Variants in SHISA9 observed in about 807,000 individuals in gnomAD.
SHISA9 encodes the protein protein shisa-9.
Under a neutral mutation model 38.0 loss-of-function variants are expected in SHISA9, and 13 were observed. That is an observed-to-expected ratio of 0.34 (90% CI 0.22 to 0.54). SHISA9 has a LOEUF of 0.54. SHISA9 is among the 20% of genes least tolerant of loss of function. SHISA9 has a pLI of 0.91. For missense variants in SHISA9, 538 were observed against 575.8 expected (o/e 0.93, Z 0.67); for synonymous variants, 275 against 242.0 (o/e 1.14, Z -1.27).
intron 2 of SHISA9, among the ~76,000 whole-genome samples, chr16:13,052,273 T>C (rs2073260990): frequency 6.6e-6 from 1 of 152,170 alleles, no homozygotes; most frequent in African/African-American, 2.4e-5. Context: ...TTAGAGACAT[T>C]TTCCCCCCTC....
chr16:13,356,121 G>C, the SHISA9 span, among the ~76,000 whole-genome samples: 1 of 152,164 alleles, frequency 6.6e-6, no homozygotes, highest in Non-Finnish European at 1.5e-5. Context: ...ATGTGGCTGG[G>C]GTTTGTCTCA....
chr16:13,561,655 G>A, the SHISA9 span, among the ~76,000 whole-genome samples: 496 of 152,322 alleles, frequency 3.3e-3, 5 homozygotes, highest in East Asian at 0.021. Context: ...GGCCCCTGGA[G>A]GAAGTGCTAG....
At chr16:12,933,473 T>G (rs866190935) in intron 2 of SHISA9, among the ~76,000 whole-genome samples, 6 of 152,136 alleles carry the variant, frequency 3.9e-5, no homozygotes, top group Admixed American at 3.9e-4. Flanking sequence ...TTTTGTACTT[T>G]TAGTAGGATG....
At chr16:13,199,633 G>T (rs1387477933) in intron 2 of SHISA9, among the ~76,000 whole-genome samples, 1 of 152,200 alleles carries the variant, frequency 6.6e-6, no homozygotes, top group Non-Finnish European at 1.5e-5. Flanking sequence ...TCTCCACATG[G>T]TAGGTTCAAA....
the SHISA9 span, among the ~76,000 whole-genome samples, chr16:13,540,787 T>C: frequency 6.6e-6 from 1 of 152,186 alleles, no homozygotes; most frequent in South Asian, 2.1e-4. Context: ...TTCAAGTAGA[T>C]GATCATTAAT....
intron 2 of SHISA9, among the ~76,000 whole-genome samples, chr16:12,919,454 C>G (rs2071300340): frequency 6.6e-6 from 1 of 152,170 alleles, no homozygotes; most frequent in Non-Finnish European, 1.5e-5. Context: ...ATGTCATTTT[C>G]ATGTCTATTC....
chr16:13,302,191 AT>A, the SHISA9 span, among the ~76,000 whole-genome samples: 8 of 152,256 alleles, frequency 5.3e-5, no homozygotes, highest in African/African-American at 1.9e-4. Context: ...CCAGAAAACT[AT>A]TTATACAACC....
chr16:13,325,276 A>T, the SHISA9 span, among the ~76,000 whole-genome samples: 1 of 152,304 alleles, frequency 6.6e-6, no homozygotes, highest in East Asian at 1.9e-4. Context: ...TCATGTCATG[A>T]CAGAGTCAGA....
At chr16:13,300,718 C>A in the SHISA9 span, among the ~76,000 whole-genome samples, 1 of 152,094 alleles carries the variant, frequency 6.6e-6, no homozygotes, top group South Asian at 2.1e-4. Flanking sequence ...CCCCTGCTGG[C>A]CCCAAGCCAA....
At chr16:13,292,497 T>C in the SHISA9 span, among the ~76,000 whole-genome samples, 1 of 152,148 alleles carries the variant, frequency 6.6e-6, no homozygotes, top group Admixed American at 6.6e-5. Flanking sequence ...TTTCTAAGCA[T>C]TTTTGTTTTT....
intron 2 of SHISA9, among the ~76,000 whole-genome samples, chr16:13,126,167 A>G (rs990756899): frequency 1.3e-5 from 2 of 152,148 alleles, no homozygotes; most frequent in African/African-American, 4.8e-5. Flanking sequence ...ATGTGCATAG[A>G]TCAGTTTGCA....
intron 2 of SHISA9, among the ~76,000 whole-genome samples, chr16:13,117,958 G>T (rs749044698): frequency 2.6e-5 from 4 of 152,108 alleles, no homozygotes; most frequent in African/African-American, 2.4e-5. Flanking sequence ...GAGGTGGGCG[G>T]ATCGCCTGAG....
At chr16:13,044,256 T>C (rs1436854155) in intron 2 of SHISA9, among the ~76,000 whole-genome samples, 2 of 152,194 alleles carry the variant, frequency 1.3e-5, no homozygotes, top group Non-Finnish European at 2.9e-5. Context: ...ATTTTCCCAA[T>C]ACATGAATGG....
intron 2 of SHISA9, among the ~76,000 whole-genome samples, chr16:13,198,346 A>T (rs1184040461): frequency 6.6e-6 from 1 of 151,550 alleles, no homozygotes; most frequent in Non-Finnish European, 1.5e-5. Flanking sequence ...GTGTATATGC[A>T]TACATATATA....
chr16:13,020,505 C>G (rs1159206790), intron 2 of SHISA9, among the ~76,000 whole-genome samples: 1 of 152,174 alleles, frequency 6.6e-6, no homozygotes, highest in Non-Finnish European at 1.5e-5. Context: ...ATAATGGCCT[C>G]CAGCTCCATC....
Position 13,213,314 on chromosome 16 carries a change from T to C in SHISA9, c.895+14T>C, listed in dbSNP as rs2051137944. 1.9e-6 allele frequency: 3 copies of C among 1,551,370 alleles called. No individual in the cohort carries two copies. Among genetic ancestry groups the C allele is most frequent in the Non-Finnish European group, 2.6e-6 (3 of 1,146,574 alleles). ...AGTCACCAAAAGGTACTGTACAGCT[T>C]TTTCTAGCTCTTTTGTCCAGGTGTT... On this transcript the variant is annotated intron_variant, in intron 4 of 4. Transcript: ENST00000558583.
intron 2 of SHISA9, among the ~76,000 whole-genome samples, chr16:13,025,511 C>T (rs551418273): frequency 6.6e-6 from 1 of 152,336 alleles, no homozygotes; most frequent in South Asian, 2.1e-4. Flanking sequence ...TCTGTCCCAC[C>T]TCTAGAGGTG....
chr16:13,455,895 G>A, the SHISA9 span, among the ~76,000 whole-genome samples: 4 of 152,074 alleles, frequency 2.6e-5, no homozygotes, highest in Non-Finnish European at 5.9e-5. Flanking sequence ...AGATTTAGCT[G>A]GAGAAACCTA....
At chr16:13,126,501 TTGAA>T (rs1448620488) in intron 2 of SHISA9, among the ~76,000 whole-genome samples, 70 of 112,486 alleles carry the variant, frequency 6.2e-4, no homozygotes, top group Non-Finnish European at 1.4e-4. Flanking sequence ...GAAAGGGAGA[TTGAA>T]GGAGGGGGAG....
Sources: gnomAD v4.1 joint callset for allele counts (sites outside exome capture counted in the v4.1 genomes callset) on GRCh38, gnomAD v4.1.1 for gene constraint, MANE v1.5 for transcripts, NCBI Gene and HGNC (gene_info 2026-07-23, HGNC 2026-07-21) for gene names.